The following NAA40 variants were observed in gnomAD, a reference collection of about 807,000 sequenced individuals.
NAA40 encodes N-alpha-acetyltransferase 40.
NAA40 carries 26 observed loss-of-function variants against 36.6 expected under a neutral mutation model. That is an observed-to-expected ratio of 0.71 (90% CI 0.52 to 0.98). The LOEUF is 0.98. Among genes scored for constraint, NAA40 ranks in the 50% least tolerant of loss-of-function variants. The probability of loss-of-function intolerance (pLI) is 0.00; values close to 1 mark genes in which losing one functional copy is unlikely to be tolerated. For synonymous variants in NAA40, 129 were observed against 108.4 expected, an observed-to-expected ratio of 1.19 and a Z score of -1.18; for missense variants, 237 against 306.5, an observed-to-expected ratio of 0.77 and a Z score of 1.69.
chr11:63,954,089 G>A (rs781721163), intron 7 of NAA40, 40 bp downstream of exon 7: 5 of 1,595,732 alleles, frequency 3.1e-6, no homozygotes, highest in South Asian at 2.2e-5. Flanking sequence ...TGGTAGGTGG[G>A]CCTGCCCAGG....
At chr11:63,946,066 TGCAGGGAACTGA>T in intron 2 of NAA40, 131 bp downstream of exon 2, 1 of 775,936 alleles carries the variant, frequency 1.3e-6, no homozygotes, top group African/African-American at 1.7e-5. Flanking sequence ...CTCCTTGCTG[TGCAGGGAACTGA>T]GCTCATACCT....
intron 3 of NAA40, among the ~76,000 whole-genome samples, chr11:63,949,629 G>A (rs1185351536): frequency 2.0e-5 from 3 of 152,068 alleles, no homozygotes; most frequent in Admixed American, 1.3e-4. Flanking sequence ...GGGGCTCTGG[G>A]GGATTGAATT....
chr11:63,940,168 A>G (rs954987887), intron 1 of NAA40, among the ~76,000 whole-genome samples: 1 of 146,950 alleles, frequency 6.8e-6, no homozygotes, highest in Admixed American at 7.2e-5. Context: ...CTCCTGCCTC[A>G]GCCTCCCCAG....
chr11:63,954,326 C>G lies in NAA40; in HGVS notation c.573-12C>G, dbSNP rs1590760778. On this transcript the variant is annotated splice_polypyrimidine_tract_variant and intron_variant, in intron 7 of 7. Coordinates refer to ENST00000377793, the MANE Select transcript of NAA40 (RefSeq NM_024771.4). ...GCCTGCCACCAACCCTTTTCTCCTG[C>G]CTGCCTTGCAGATTTGAAATTGATG... 1 of 1,576,138 alleles carries G rather than the reference C, an allele frequency of 6.3e-7. No homozygotes were observed.
chr11:63,939,338 C>A, intron 1 of NAA40: 1 of 1,260,018 alleles, frequency 7.9e-7, no homozygotes, highest in Non-Finnish European at 1.0e-6. Context: ...CCCAGCGTCA[C>A]GCCCGCCCCT....
chr11:63,954,446 C>T lies in NAA40; in HGVS notation c.681C>T (p.His227=), dbSNP rs367556586. The T allele has an allele frequency of 2.3e-5, 37 of 1,610,090 alleles. No individual in the cohort carries two copies. The Middle Eastern group carries it at 8.3e-4, about 36-fold the overall frequency. ...RTKFGDSHHS[H]AGGHCGGCCH is the part of the protein sequence containing the mutation. ...AGTTTGGGGACAGCCATCACTCCCACGCGGGTGGGCACTGTGGTGGCTGCT... is the reference window on the plus strand; with the variant it reads ...AGTTTGGGGACAGCCATCACTCCCATGCGGGTGGGCACTGTGGTGGCTGCT... Residue 227 remains histidine, a synonymous_variant, in exon 8 of 8, where the codon CAC becomes CAT. Transcript: ENST00000377793.
intron 2 of NAA40, chr11:63,946,566 C>G: frequency 8.3e-7 from 1 of 1,203,658 alleles, no homozygotes. Context: ...AGTAAACACT[C>G]ATTTATAAGG....
At chr11:63,941,403 A>G (rs1942107051) in intron 1 of NAA40, among the ~76,000 whole-genome samples, 1 of 152,198 alleles carries the variant, frequency 6.6e-6, no homozygotes, top group South Asian at 2.1e-4. Flanking sequence ...AGGAGTTAGA[A>G]TTTATATTTC....
At chr11:63,942,449 C>T (rs904729683) in intron 1 of NAA40, among the ~76,000 whole-genome samples, 1 of 152,212 alleles carries the variant, frequency 6.6e-6, no homozygotes, top group African/African-American at 2.4e-5. Context: ...TTTTGAGCAA[C>T]TTGCTGAAAA....
chr11:63,954,239 T>G (rs945915789), intron 7 of NAA40, 99 bp from the exon 8 acceptor site: 34 of 1,489,994 alleles, frequency 2.3e-5, no homozygotes, highest in Non-Finnish European at 3.0e-5. Flanking sequence ...ACCCTCATCC[T>G]AAGGGTCTCA....
At chr11:63,940,004 T>C (rs1942081702) in intron 1 of NAA40, among the ~76,000 whole-genome samples, 2 of 148,620 alleles carry the variant, frequency 1.3e-5, no homozygotes, top group South Asian at 4.3e-4. Context: ...GTCACCCTCC[T>C]AAAAAGATAA....
At position 63,954,509 on chromosome 11, in the gene NAA40, C is replaced by T. The variant is rs1334068628; in HGVS notation, c.*30C>T. The T allele has an allele frequency of 5.1e-6, 8 of 1,576,554 alleles. No homozygotes were observed. The highest frequency in any genetic ancestry group is 6.0e-6 in the Non-Finnish European group (7 of 1,162,476). On this transcript the variant is annotated 3_prime_UTR_variant, in exon 8 of 8. Transcript: ENST00000377793. ...TCAGAGCCACTTTCAAGTCACAATG[C>T]TCTCTCCTAAGGCCTTTCCTCTTTC... is the stretch of plus-strand genomic sequence containing the variant.
intron 3 of NAA40, among the ~76,000 whole-genome samples, chr11:63,951,273 C>G (rs1423453701): frequency 6.6e-6 from 1 of 152,178 alleles, no homozygotes; most frequent in African/African-American, 2.4e-5. Context: ...CATTTAGAAA[C>G]AGATACCTTA....
intron 1 of NAA40, among the ~76,000 whole-genome samples, chr11:63,945,430 C>T (rs562155567): frequency 1.1e-4 from 17 of 152,322 alleles, no homozygotes; most frequent in African/African-American, 2.4e-4. Context: ...CAGCCATCAA[C>T]GGCTACCTTA....
chr11:63,949,181 C>G (rs1198397441), intron 3 of NAA40, among the ~76,000 whole-genome samples: 1 of 152,050 alleles, frequency 6.6e-6, no homozygotes, highest in African/African-American at 2.4e-5. Flanking sequence ...AAGATCCTGT[C>G]TCAAAACAAA....
At chr11:63,940,040 CTTTTTTTTT>C (rs10618202) in intron 1 of NAA40, among the ~76,000 whole-genome samples, 76 of 77,800 alleles carry the variant, frequency 9.8e-4, no homozygotes, top group African/African-American at 3.2e-3. Flanking sequence ...TGGCTGTATT[CTTTTTTTTT>C]TTTTTTTTTT....
chr11:63,944,916 A>AG (rs1379206365), intron 1 of NAA40, among the ~76,000 whole-genome samples: 3 of 151,258 alleles, frequency 2.0e-5, no homozygotes, highest in Non-Finnish European at 4.4e-5. Context: ...AAAAAAAAAA[A>AG]AAGAAGAGAA....
intron 6 of NAA40, 54 bp downstream of exon 6, chr11:63,952,893 C>A: frequency 6.8e-7 from 1 of 1,463,258 alleles, no homozygotes; most frequent in Non-Finnish European, 9.5e-7. Context: ...AAGGAGCTGT[C>A]ACTGAGGCAC....
chr11:63,952,051 G>C, intron 3 of NAA40, 187 bp from the exon 4 acceptor site: 1 of 557,562 alleles, frequency 1.8e-6, no homozygotes, highest in Non-Finnish European at 3.2e-6. Context: ...GGCCACAGTT[G>C]TTAATCTCAG....
Sources: allele counts gnomAD v4.1 joint callset (sites outside exome capture counted in the v4.1 genomes callset), GRCh38; gene constraint gnomAD v4.1.1; transcripts MANE v1.5; gene names NCBI Gene and HGNC (gene_info 2026-07-23, HGNC 2026-07-21).